SLC24A1: variants seen among roughly 807,000 people sequenced by gnomAD.
SLC24A1 encodes the protein solute carrier family 24 member 1.
SLC24A1 carries 52 observed loss-of-function variants against 88.1 expected under a neutral mutation model. The ratio of observed to expected loss-of-function variants is 0.59; its 90% CI spans 0.47 to 0.74. SLC24A1 has a LOEUF of 0.74. Among genes scored for constraint, SLC24A1 ranks in the 30% least tolerant of loss-of-function variants. SLC24A1 has a pLI of 0.00. For missense variants in SLC24A1, 1,173 were observed against 1,363.3 expected (o/e 0.86, Z 2.20); for synonymous variants, 455 against 498.0 (o/e 0.91, Z 1.15).
intron 2 of SLC24A1, among the ~76,000 whole-genome samples, chr15:65,616,543 A>G (rs1014535506): frequency 5.3e-5 from 8 of 152,128 alleles, no homozygotes; most frequent in African/African-American, 1.2e-4. Context: ...AGAAGTGTCT[A>G]TTCATATCCT....
chr15:65,654,053 A>G lies in SLC24A1; in HGVS notation c.3274A>G (p.Ile1092Val). 1 of 1,613,914 alleles carries G rather than the reference A, an allele frequency of 6.2e-7. No homozygotes were observed. The highest frequency in any genetic ancestry group is 1.3e-5 in the African/African-American group (1 of 75,048). ...AATCAGTGTGATGTTAGAAGATCGA[A>G]TCATATCCTGTCCTGTATCTGTCTG... ...LIISVMLEDR[I>V]ISCPVSV Residue 1092 changes from isoleucine (I) to valine (V), a missense_variant, in exon 10 of 10, where the codon ATC becomes GTC. By Grantham distance (29) the Ile-to-Val change is conservative. Transcript: ENST00000261892.
Position 65,650,497 on chromosome 15 carries a change from G to T in SLC24A1, c.2348G>T (p.Gly783Val), listed in dbSNP as rs2075459186. The T allele has an allele frequency of 7.1e-6, 11 of 1,551,552 alleles. No homozygotes were observed. The highest frequency in any genetic ancestry group is 9.6e-6 in the Non-Finnish European group (11 of 1,146,976). Residue 783 changes from glycine (G) to valine (V), a missense_variant, in exon 7 of 10, where the codon GGT (glycine) becomes GTT (valine). By Grantham distance (109) the Gly-to-Val change is moderately radical. Transcript: ENST00000261892. This position sits in a 1 kb window ranked among gnomAD's most constrained non-coding sequence, Gnocchi z 4.1. ...SGGETQPEGE[G>V]ETETQGKGEE... ...GGTGAAACTCAACCAGAAGGTGAAG[G>T]TGAAACTGAAACACAAGGAAAAGGA...
chr15:65,631,537 C>T (rs539228118), intron 2 of SLC24A1, among the ~76,000 whole-genome samples: 1 of 152,108 alleles, frequency 6.6e-6, no homozygotes, highest in African/African-American at 2.4e-5. Flanking sequence ...AGGGAAACCA[C>T]CCCATAGCCA....
chr15:65,638,317 G>A, intron 3 of SLC24A1, 136 bp downstream of exon 3: 1 of 658,964 alleles, frequency 1.5e-6, no homozygotes, highest in Admixed American at 2.3e-5. Flanking sequence ...AGCGCTGCCA[G>A]GGTGAGGCAA....
chr15:65,618,568 G>A, upstream of SLC24A1, among the ~76,000 whole-genome samples: 1 of 152,176 alleles, frequency 6.6e-6, no homozygotes, highest in Non-Finnish European at 1.5e-5. Flanking sequence ...ATATAGGAGG[G>A]ACATTATCTG....
Position 65,652,821 on chromosome 15 carries a change from G to A in SLC24A1, c.3050+13G>A, listed in dbSNP as rs2075550707. ...ATATCACTGTGGGGTGAGTGGCAAT[G>A]TAACTTTCTAAGGGGTGTTAAGTAT... On this transcript the variant is annotated intron_variant, in intron 9 of 9. Transcript: ENST00000261892. The A allele has an allele frequency of 6.3e-7, 1 of 1,581,742 alleles. No homozygotes were observed. The highest frequency in any genetic ancestry group is 8.6e-7 in the Non-Finnish European group (1 of 1,158,364).
At position 65,654,230 on chromosome 15, in the gene SLC24A1, G is replaced by T; in HGVS notation, c.*151G>T. ...GATATGAATGTGATCTGAGACTAAA[G>T]TTTGTCCTTGGAAACACCTGCAGCT... On this transcript the variant is annotated 3_prime_UTR_variant, in exon 10 of 10. Transcript: ENST00000261892. The T allele has an allele frequency of 2.8e-6, 4 of 1,427,756 alleles. No individual in the cohort carries two copies. The highest frequency in any genetic ancestry group is 3.6e-6 in the Non-Finnish European group (4 of 1,096,374). 88.4% of individuals were successfully genotyped at this position (1,427,756 alleles called of 1,614,324 possible). A position where few individuals can be genotyped will look rare whatever the true frequency, so the allele number is the denominator to read the frequency against.
intron 2 of SLC24A1, among the ~76,000 whole-genome samples, chr15:65,636,528 G>A (rs1419928622): frequency 6.6e-6 from 1 of 151,998 alleles, no homozygotes; most frequent in Non-Finnish European, 1.5e-5. Context: ...GCCACAATGA[G>A]CCATGATTGT....
upstream of SLC24A1, among the ~76,000 whole-genome samples, chr15:65,620,076 T>C (rs1418750189): frequency 6.7e-6 from 1 of 149,776 alleles, no homozygotes; most frequent in Non-Finnish European, 1.5e-5. Flanking sequence ...ATATAAAATG[T>C]ATTTAATAAA....
Position 65,654,359 on chromosome 15 carries a change from G to A in SLC24A1, c.*280G>A. The A allele has an allele frequency of 8.1e-7, 1 of 1,228,544 alleles. No individual in the cohort carries two copies. The highest frequency in any genetic ancestry group is 1.0e-6 in the Non-Finnish European group (1 of 981,016). The allele number at this position is 1,228,544 out of a possible 1,614,324, so 76.1% of individuals were successfully genotyped here. A position where few individuals can be genotyped will look rare whatever the true frequency, so the allele number is the denominator to read the frequency against. ...CAGTAGAAGGACCCCTGGAGCCAGA[G>A]GGTTTTCTAAATGAGATAACTGGGG... On this transcript the variant is annotated 3_prime_UTR_variant, in exon 10 of 10. Coordinates refer to ENST00000261892, the MANE Select transcript of SLC24A1 (RefSeq NM_004727.3).
At chr15:65,634,014 C>G (rs1176555779) in intron 2 of SLC24A1, among the ~76,000 whole-genome samples, 1 of 152,078 alleles carries the variant, frequency 6.6e-6, no homozygotes, top group Non-Finnish European at 1.5e-5. Context: ...GGTCTGACAG[C>G]TAATTGGGTG....
At position 65,625,024 on chromosome 15, in the gene SLC24A1, C is replaced by A. The variant is rs367864818; in HGVS notation, c.944C>A (p.Thr315Asn). The change falls in exon 2 of 10, where the codon ACC becomes AAC. Residue 315 changes from threonine to asparagine, a missense_variant. Transcript: ENST00000261892. ...CCCCAGGGAACAGTCCTGTTGCATACCCCAGCCACCTCTGAGGGGCAGGTG... is the reference window on the plus strand; with the variant it reads ...CCCCAGGGAACAGTCCTGTTGCATAACCCAGCCACCTCTGAGGGGCAGGTG... ...KTPQGTVLLHTPATSEGQVTI... is the reference protein window; with the variant it reads ...KTPQGTVLLHNPATSEGQVTI... 1.2e-6 allele frequency: 2 copies of A among 1,613,130 alleles called. No individual in the cohort carries two copies. The highest frequency in any genetic ancestry group is 1.6e-4 in the Middle Eastern group (1 of 6,084).
chr15:65,622,505 G>A (rs897182309), intron 1 of SLC24A1, among the ~76,000 whole-genome samples: 6 of 152,164 alleles, frequency 3.9e-5, no homozygotes, highest in Non-Finnish European at 8.8e-5. Context: ...CAGATGAGGA[G>A]TTGTACCAGA....
downstream of SLC24A1, chr15:65,658,307 A>G (rs1249935688): frequency 6.6e-6 from 1 of 152,238 alleles, no homozygotes; most frequent in Non-Finnish European, 1.5e-5. Flanking sequence ...AATAAAGCTT[A>G]GTCTTATATC....
At position 65,624,150 on chromosome 15, in the gene SLC24A1, C is replaced by T. The variant is rs371550495; in HGVS notation, c.70C>T (p.Arg24Cys). The change falls in exon 2 of 10, where the codon CGC (arginine) becomes TGC (cysteine). Residue 24 changes from arginine (R) to cysteine (C), a missense_variant. Transcript: ENST00000261892. ...CCGGACAAAGCGGCTTCATTGGAGTCGCCTCCTCTTCTTACTGGGAATGTT... is the reference window on the plus strand; with the variant it reads ...CCGGACAAAGCGGCTTCATTGGAGTTGCCTCCTCTTCTTACTGGGAATGTT... ...LLRTKRLHWSRLLFLLGMLII... is the reference protein window; with the variant it reads ...LLRTKRLHWSCLLFLLGMLII... 32 of 1,613,438 alleles carry T rather than the reference C, an allele frequency of 2.0e-5. No individual in the cohort carries two copies. Among genetic ancestry groups the T allele is most frequent in the East Asian group, 6.7e-5 (3 of 44,868 alleles).
Position 65,654,630 on chromosome 15 carries a change from A to G in SLC24A1, c.*551A>G. The G allele has an allele frequency of 7.9e-7, 1 of 1,262,542 alleles. No individual in the cohort carries two copies. Among genetic ancestry groups the G allele is most frequent in the Non-Finnish European group, 1.0e-6 (1 of 979,960 alleles). The allele number at this position is 1,262,542 out of a possible 1,614,324, so 78.2% of individuals were successfully genotyped here. On this transcript the variant is annotated 3_prime_UTR_variant, in exon 10 of 10. Coordinates refer to ENST00000261892, the MANE Select transcript of SLC24A1 (RefSeq NM_004727.3). The stretch of plus-strand genomic sequence containing the variant: ...AGTCTAAGGATCCAAGGCTACAGAA[A>G]AAAAAGAAATATAACAGGAATTAAT...
downstream of SLC24A1, among the ~76,000 whole-genome samples, chr15:65,657,132 A>C (rs894775046): frequency 3.9e-5 from 6 of 152,072 alleles, no homozygotes; most frequent in Non-Finnish European, 8.8e-5. Context: ...CGGCCTCCCA[A>C]AGTGCTGAGA....
intron 5 of SLC24A1, 77 bp downstream of exon 5, chr15:65,644,590 C>G: frequency 9.8e-7 from 1 of 1,019,654 alleles, no homozygotes; most frequent in Non-Finnish European, 1.5e-6. Context: ...GGCCTGGAGG[C>G]AGCAGCCAGC....
chr15:65,653,921 C>T lies in SLC24A1; in HGVS notation c.3142C>T (p.Leu1048Phe). The part of the protein sequence containing the change: ...SNGLFCAIVL[L>F]FLMLLFVISS... ...TGGCTTGTTTTGTGCAATTGTTTTGCTTTTTCTCATGCTTCTGTTTGTGAT... is the reference window on the plus strand; with the variant it reads ...TGGCTTGTTTTGTGCAATTGTTTTGTTTTTTCTCATGCTTCTGTTTGTGAT... Residue 1048 changes from leucine (L) to phenylalanine (F), a missense_variant, in exon 10 of 10, where the codon CTT becomes TTT. Transcript: ENST00000261892. 1 of 1,613,942 alleles carries T rather than the reference C, an allele frequency of 6.2e-7. No individual in the cohort carries two copies. Among genetic ancestry groups the T allele is most frequent in the Non-Finnish European group, 8.5e-7 (1 of 1,179,860 alleles).
Sources: gnomAD v4.1 joint callset for allele counts (sites outside exome capture counted in the v4.1 genomes callset) on GRCh38, gnomAD v4.1.1 for gene constraint, Gnocchi (gnomAD v3.1) non-coding constraint, MANE v1.5 for transcripts, NCBI Gene and HGNC (gene_info 2026-07-23, HGNC 2026-07-21) for gene names.